The following ITPRID1 variants were observed in gnomAD, a reference collection of about 807,000 sequenced individuals.
The protein encoded by ITPRID1 is ITPR interacting domain containing 1.
Under a neutral mutation model 95.4 loss-of-function variants are expected in ITPRID1, and 96 were observed. The ratio of observed to expected loss-of-function variants is 1.01; its 90% CI spans 0.85 to 1.19. The LOEUF (loss-of-function observed/expected upper bound fraction) is 1.19. Ranked by LOEUF, ITPRID1 falls within the 50% of genes most tolerant of loss-of-function variation. The pLI, the probability that ITPRID1 is intolerant of heterozygous loss-of-function variation, is 0.00. For missense variants in ITPRID1, 1,339 were observed against 1,252.9 expected, an observed-to-expected ratio of 1.07 and a Z score of -1.04; for synonymous variants, 510 against 453.6, an observed-to-expected ratio of 1.12 and a Z score of -1.58.
At position 31,655,796 on chromosome 7, in the gene ITPRID1, C is replaced by T; in HGVS notation, c.*2967C>T. 1 of 985,582 alleles carries T rather than the reference C, an allele frequency of 1.0e-6. No homozygotes were observed. Among genetic ancestry groups the T allele is most frequent in the Non-Finnish European group, 1.2e-6 (1 of 829,982 alleles). The allele number at this position is 985,582 out of a possible 1,614,324, so 61.1% of individuals were successfully genotyped here. A position where few individuals can be genotyped will look rare whatever the true frequency, so the allele number is the denominator to read the frequency against. On this transcript the variant is annotated 3_prime_UTR_variant, in exon 15 of 15. Transcript: ENST00000615280. ...CTCTTTACCCAGGTTGGGCTTTTGA[C>T]CTCCCCTTCTCCATGTAGACTCCGA...
chr7:31,527,658 G>T (rs1437968282), intron 1 of ITPRID1, among the ~76,000 whole-genome samples: 1 of 151,920 alleles, frequency 6.6e-6, no homozygotes, highest in Non-Finnish European at 1.5e-5. Context: ...TTTCCAGGAT[G>T]TTTTTTCCAA....
chr7:31,529,295 AAC>A (rs1438828582), intron 1 of ITPRID1, among the ~76,000 whole-genome samples: 4 of 152,196 alleles, frequency 2.6e-5, no homozygotes, highest in Admixed American at 6.5e-5. Context: ...TTGGGTTGGT[AAC>A]ACACAGTGTC....
At chr7:31,611,924 T>C (rs1786886280) in intron 10 of ITPRID1, among the ~76,000 whole-genome samples, 1 of 152,034 alleles carries the variant, frequency 6.6e-6, no homozygotes, top group Non-Finnish European at 1.5e-5. Flanking sequence ...CCATTATTTA[T>C]TGAAATATTC....
intron 10 of ITPRID1, among the ~76,000 whole-genome samples, chr7:31,638,611 C>A (rs1789709326): frequency 6.6e-6 from 1 of 152,126 alleles, no homozygotes. Context: ...CCTTTCAATA[C>A]CCTAAAGATG....
At chr7:31,640,241 G>A (rs1352762297) in intron 10 of ITPRID1, among the ~76,000 whole-genome samples, 2 of 152,116 alleles carry the variant, frequency 1.3e-5, no homozygotes, top group East Asian at 3.9e-4. Context: ...TGGCTGGTGG[G>A]CACATTCCCT....
chr7:31,542,774 GA>G (rs980368599), intron 1 of ITPRID1, among the ~76,000 whole-genome samples: 21 of 152,122 alleles, frequency 1.4e-4, no homozygotes, highest in African/African-American at 4.3e-4. Flanking sequence ...ATTTGACAGA[GA>G]TAAGTATGGA....
At chr7:31,529,446 G>A (rs939553082) in intron 1 of ITPRID1, 4 of 293,628 alleles carry the variant, frequency 1.4e-5, no homozygotes, top group African/African-American at 4.3e-5. Context: ...AAACCACAAC[G>A]GAAACCATTG....
intron 5 of ITPRID1, among the ~76,000 whole-genome samples, chr7:31,563,642 A>T (rs112075841): frequency 6.6e-6 from 1 of 152,174 alleles, no homozygotes; most frequent in Non-Finnish European, 1.5e-5. Context: ...TCCTGAACTC[A>T]CTGTAGTGAG....
chr7:31,519,610 C>CTATA (rs1373387362), intron 1 of ITPRID1, among the ~76,000 whole-genome samples: 2 of 51,316 alleles, frequency 3.9e-5, no homozygotes, highest in Non-Finnish European at 7.5e-5. Context: ...CTCTCTCTCT[C>CTATA]TCTCTCTCTC....
At chr7:31,583,297 G>A (rs1364601865) in intron 10 of ITPRID1, 106 bp downstream of exon 10, 3 of 757,588 alleles carry the variant, frequency 4.0e-6, no homozygotes, top group South Asian at 2.2e-5. Flanking sequence ...TCTCTAGAAG[G>A]TACTCTAAAT....
At chr7:31,614,703 G>A (rs1787041914) in intron 10 of ITPRID1, among the ~76,000 whole-genome samples, 1 of 146,278 alleles carries the variant, frequency 6.8e-6, no homozygotes, top group African/African-American at 2.5e-5. Flanking sequence ...AGAGTGTAGA[G>A]CGTTGTGGCA....
At chr7:31,554,635 T>C in intron 4 of ITPRID1, 112 bp downstream of exon 4, 2 of 1,334,788 alleles carry the variant, frequency 1.5e-6, no homozygotes, top group Non-Finnish European at 2.1e-6. Flanking sequence ...ATTTTCATTT[T>C]AATTGTACGT....
chr7:31,567,576 CCTGA>C (rs1469065327), intron 5 of ITPRID1, among the ~76,000 whole-genome samples: 1 of 136,758 alleles, frequency 7.3e-6, no homozygotes, highest in African/African-American at 2.8e-5. Flanking sequence ...TCTCACCCCG[CCTGA>C]CTCTTTTTTT....
At chr7:31,526,665 C>T (rs1215115357) in intron 1 of ITPRID1, among the ~76,000 whole-genome samples, 1 of 152,120 alleles carries the variant, frequency 6.6e-6, no homozygotes, top group African/African-American at 2.4e-5. Context: ...TGACCACTTG[C>T]ACAAGTTGGA....
chr7:31,531,638 G>T (rs1384579868), intron 1 of ITPRID1, among the ~76,000 whole-genome samples: 1 of 152,178 alleles, frequency 6.6e-6, no homozygotes, highest in Non-Finnish European at 1.5e-5. Context: ...CTGGCTAGGG[G>T]TGCTGACAGG....
At chr7:31,638,154 C>G (rs552582409) in intron 10 of ITPRID1, among the ~76,000 whole-genome samples, 20 of 152,148 alleles carry the variant, frequency 1.3e-4, no homozygotes, top group Non-Finnish European at 2.2e-4. Context: ...CAAGAATCAT[C>G]ATGAATTTTG....
At chr7:31,525,353 G>T (rs916904851) in intron 1 of ITPRID1, among the ~76,000 whole-genome samples, 2 of 152,144 alleles carry the variant, frequency 1.3e-5, no homozygotes, top group African/African-American at 4.8e-5. Context: ...ATTCTTTGTG[G>T]TAGGGCTACA....
At chr7:31,650,759 T>A (rs1790874158) in intron 12 of ITPRID1, among the ~76,000 whole-genome samples, 1 of 152,212 alleles carries the variant, frequency 6.6e-6, no homozygotes, top group Non-Finnish European at 1.5e-5. Context: ...AGTGAGGCAG[T>A]ACCCAGCAAC....
chr7:31,516,630 TA>T (rs60234451), intron 1 of ITPRID1, among the ~76,000 whole-genome samples: 35,549 of 150,764 alleles, frequency 0.24, 4,324 homozygotes, highest in East Asian at 0.41. Flanking sequence ...CTTATAAACT[TA>T]AAAAAAAAAT....
Sources: gnomAD v4.1 joint callset for allele counts (sites outside exome capture counted in the v4.1 genomes callset) on GRCh38, gnomAD v4.1.1 for gene constraint, MANE v1.5 for transcripts, NCBI Gene and HGNC (gene_info 2026-07-23, HGNC 2026-07-21) for gene names.